GPC6: variants seen among roughly 807,000 people sequenced by gnomAD.
GPC6 encodes glypican-6.
In GPC6, 14 loss-of-function variants were observed where a neutral mutation model predicts 55.2. The observed-to-expected ratio is 0.25, with a 90% CI of 0.17 to 0.40. The LOEUF (loss-of-function observed/expected upper bound fraction) is 0.40. GPC6 is among the 10% of genes least tolerant of loss of function. The probability of loss-of-function intolerance (pLI) is 1.00; values close to 1 mark genes in which losing one functional copy is unlikely to be tolerated. For missense variants in GPC6, 641 were observed against 708.5 expected (o/e 0.90, Z 1.08); for synonymous variants, 278 against 259.6 (o/e 1.07, Z -0.68).
intron 2 of GPC6, among the ~76,000 whole-genome samples, chr13:93,598,203 G>T (rs193110606): frequency 6.6e-6 from 1 of 152,080 alleles, no homozygotes; most frequent in African/African-American, 2.4e-5. Context: ...TGTGTAAGTG[G>T]TTGGCATCTC....
At chr13:94,161,180 G>T (rs9584194) in intron 4 of GPC6, among the ~76,000 whole-genome samples, 1 of 152,068 alleles carries the variant, frequency 6.6e-6, no homozygotes, top group East Asian at 1.9e-4. Flanking sequence ...ACTCTTGCAC[G>T]CATAAGGCTC....
intron 6 of GPC6, among the ~76,000 whole-genome samples, chr13:94,324,160 G>T (rs1055468385): frequency 4.6e-5 from 7 of 152,116 alleles, no homozygotes; most frequent in Non-Finnish European, 1.0e-4. Context: ...TATTTGGGAA[G>T]GATGCAGCTA....
In GPC6 at chr13:94,406,272, C is replaced by CACAACAAAAGCTAAACAGAGGCT; in HGVS notation, c.*3057_*3079dup. ...GGTATATATTATACTTTGTATGTGT[C>CACAACAAAAGCTAAACAGAGGCT]ACAACAAAAGCTAAACAGAGGCTAA... On this transcript the variant is annotated 3_prime_UTR_variant, in exon 9 of 9. Coordinates refer to ENST00000377047, the MANE Select transcript of GPC6 (RefSeq NM_005708.5). 6.6e-6 allele frequency: 1 copy of CACAACAAAAGCTAAACAGAGGCT among 152,050 alleles called. No homozygotes were observed. The highest frequency in any genetic ancestry group is 1.5e-5 in the Non-Finnish European group (1 of 67,964). 9.4% of individuals were successfully genotyped at this position (152,050 alleles called of 1,614,324 possible). A position where few individuals can be genotyped will look rare whatever the true frequency, so the allele number is the denominator to read the frequency against.
intron 3 of GPC6, among the ~76,000 whole-genome samples, chr13:93,847,349 T>C (rs9524255): frequency 0.24 from 35,809 of 151,998 alleles, 4,761 homozygotes; most frequent in East Asian, 0.34. Context: ...GAAGGGGCCG[T>C]CTGAGATGTT....
At chr13:93,858,775 G>C (rs1888711533) in intron 3 of GPC6, among the ~76,000 whole-genome samples, 1 of 151,480 alleles carries the variant, frequency 6.6e-6, no homozygotes, top group Non-Finnish European at 1.5e-5. Flanking sequence ...GGAGTAGTGG[G>C]GGTGAAAGTC....
rs1337871668 is a variant in GPC6, at chr13:94,214,147, G to T, written c.878-72202G>T. Among the ~76,000 whole-genome samples, 6 of 152,104 alleles carry T rather than the reference G, an allele frequency of 3.9e-5. No homozygotes were observed. In the East Asian group the frequency reaches 7.7e-4, roughly 20 times the overall value. The stretch of plus-strand genomic sequence containing the variant: ...AGTAATAATTTCATATTTGATTTAT[G>T]TTTCTCCATAAAGTTACCTCAGGCA... On this transcript the variant is annotated intron_variant, in intron 4 of 8. Transcript: ENST00000377047.
intron 4 of GPC6, among the ~76,000 whole-genome samples, chr13:94,061,406 T>C (rs1884317763): frequency 6.6e-6 from 1 of 152,126 alleles, no homozygotes; most frequent in Non-Finnish European, 1.5e-5. Flanking sequence ...TTTGCAGTGA[T>C]TTGCACTCTG....
At chr13:94,034,923 T>C (rs1490667479) in intron 4 of GPC6, among the ~76,000 whole-genome samples, 2 of 149,856 alleles carry the variant, frequency 1.3e-5, no homozygotes, top group Non-Finnish European at 3.0e-5. Flanking sequence ...TAAATATATA[T>C]TAAAATATAT....
At chr13:93,609,484 G>A (rs933909731) in intron 2 of GPC6, among the ~76,000 whole-genome samples, 2 of 152,070 alleles carry the variant, frequency 1.3e-5, no homozygotes, top group Non-Finnish European at 2.9e-5. Context: ...ATGATCCGCC[G>A]GCCTTGGCCT....
intron 4 of GPC6, among the ~76,000 whole-genome samples, chr13:94,236,680 T>C (rs1272658767): frequency 6.6e-6 from 1 of 152,024 alleles, no homozygotes; most frequent in Non-Finnish European, 1.5e-5. Context: ...ATACCAGTGG[T>C]TAGATTTTGG....
chr13:93,830,895 T>C (rs1594498371), intron 3 of GPC6: 2 of 243,480 alleles, frequency 8.2e-6, no homozygotes, highest in Non-Finnish European at 1.6e-5. Context: ...TAAATACTCA[T>C]GAAAGAATCC....
At chr13:94,399,871 C>T (rs191608877) in intron 8 of GPC6, among the ~76,000 whole-genome samples, 1 of 152,310 alleles carries the variant, frequency 6.6e-6, no homozygotes, top group African/African-American at 2.4e-5. Context: ...GCCATTGTTG[C>T]TTCACCCTTG....
intron 3 of GPC6, among the ~76,000 whole-genome samples, chr13:93,899,757 C>T (rs992641575): frequency 1.3e-5 from 2 of 152,086 alleles, no homozygotes; most frequent in African/African-American, 2.4e-5. Context: ...CAGTTTTCAT[C>T]TGCCATCAAT....
At chr13:94,023,328 T>A (rs568656472) in intron 3 of GPC6, among the ~76,000 whole-genome samples, 5 of 151,998 alleles carry the variant, frequency 3.3e-5, no homozygotes, top group Admixed American at 3.3e-4. Context: ...ATGTTGGATG[T>A]TTTACACAAA....
Position 93,583,831 on chromosome 13 carries a change from G to A in GPC6, c.319+38410G>A, listed in dbSNP as rs562006184. ...GCCTTGTCAAGTAGCAAACCCCGTA[G>A]TGAGAAATTTAGAACTGATAGGGCA... On this transcript the variant is annotated intron_variant, in intron 2 of 8. Transcript: ENST00000377047. 2.3e-4 allele frequency among the ~76,000 whole-genome samples: 35 copies of A among 152,326 alleles called. 1 individual carries two copies. In the South Asian group the frequency reaches 6.4e-3, roughly 28 times the overall value.
chr13:93,421,273 A>C (rs1876912532), intron 1 of GPC6, among the ~76,000 whole-genome samples: 1 of 152,138 alleles, frequency 6.6e-6, no homozygotes, highest in Non-Finnish European at 1.5e-5. Flanking sequence ...CTAGCACAGG[A>C]TGTATCCACC....
intron 3 of GPC6, among the ~76,000 whole-genome samples, chr13:93,853,572 A>C (rs892725697): frequency 6.6e-6 from 1 of 151,650 alleles, no homozygotes; most frequent in Non-Finnish European, 1.5e-5. Flanking sequence ...AGAAATAAAA[A>C]AAATATGAAT....
chr13:93,357,318 A>G (rs1221936750), intron 1 of GPC6, among the ~76,000 whole-genome samples: 4 of 152,188 alleles, frequency 2.6e-5, no homozygotes, highest in Non-Finnish European at 5.9e-5. Flanking sequence ...AATTGTTTAA[A>G]TGTACCTTTT....
At position 93,231,416 on chromosome 13, in the gene GPC6, T is replaced by C. The variant is rs1467394604; in HGVS notation, c.160+3800T>C. Among the ~76,000 whole-genome samples, 15 of 52,186 alleles carry C rather than the reference T, an allele frequency of 2.9e-4. 1 individual carries two copies. The highest frequency in any genetic ancestry group is 8.4e-4 in the African/African-American group (10 of 11,894). The allele number at this position is 52,186 out of a possible 152,430, so 34.2% of individuals were successfully genotyped here. A position where few individuals can be genotyped will look rare whatever the true frequency, so the allele number is the denominator to read the frequency against. On this transcript the variant is annotated intron_variant, in intron 1 of 8. Coordinates refer to ENST00000377047, the MANE Select transcript of GPC6 (RefSeq NM_005708.5). ...ATATATGTATATATATATATATATA[T>C]ATATATACGTATATATATATATATA...
Sources: gnomAD v4.1 joint callset for allele counts (sites outside exome capture counted in the v4.1 genomes callset) on GRCh38, gnomAD v4.1.1 for gene constraint, MANE v1.5 for transcripts, NCBI Gene and HGNC (gene_info 2026-07-23, HGNC 2026-07-21) for gene names.